LCORL: variants seen among roughly 807,000 people sequenced by gnomAD.
The protein encoded by LCORL is ligand dependent nuclear receptor corepressor like.
LCORL carries 41 observed loss-of-function variants against 141.8 expected under a neutral mutation model. That is an observed-to-expected ratio of 0.29 (90% CI 0.23 to 0.38). The LOEUF is 0.38. LCORL is among the 10% of genes least tolerant of loss of function. LCORL has a pLI of 1.00. For missense variants in LCORL, 1,759 were observed against 2,035.0 expected, an observed-to-expected ratio of 0.86 and a Z score of 2.61; for synonymous variants, 618 against 694.1, an observed-to-expected ratio of 0.89 and a Z score of 1.72.
intron 2 of LCORL, among the ~76,000 whole-genome samples, chr4:17,969,093 A>C (rs1715463456): frequency 1.3e-5 from 2 of 152,246 alleles, no homozygotes; most frequent in African/African-American, 4.8e-5. Context: ...TACCAATAAG[A>C]CATAAAAGAT....
intron 4 of LCORL, among the ~76,000 whole-genome samples, chr4:17,941,397 T>C (rs1034231962): frequency 1.4e-4 from 22 of 152,072 alleles, no homozygotes; most frequent in African/African-American, 5.1e-4. Context: ...AGGCGAAGCT[T>C]ACGGTGAGCC....
At chr4:17,892,356 T>C (rs906707914) in intron 5 of LCORL, among the ~76,000 whole-genome samples, 1 of 151,548 alleles carries the variant, frequency 6.6e-6, no homozygotes. Context: ...TTACAGGCAC[T>C]GGCCACCAAG....
rs1008858555 is a variant in LCORL, at chr4:17,872,344, C to T, written c.5602+1044G>A. Among the ~76,000 whole-genome samples the T allele has an allele frequency of 3.9e-5, 6 of 152,114 alleles. No individual in the cohort carries two copies. In the East Asian group the frequency reaches 7.7e-4, roughly 20 times the overall value. ...GGGTGTCTAATATTTTGGCTTCCCT[C>T]GGCCACACTGGAAGAATTGTCTTGG... is the stretch of plus-strand genomic sequence containing the variant. On this transcript the variant is annotated intron_variant, in intron 7 of 7. Transcript: ENST00000635767.
rs371573867 is a variant in LCORL, at chr4:17,962,905, TA to T, written c.300+64del. On this transcript the variant is annotated intron_variant, in intron 3 of 7. Transcript: ENST00000635767. ...CACAAATTTTCAAAACAAATTAAGATAAAAAAAAAACTGTGTTACAATTGTG... is the reference window on the plus strand; with the variant it reads ...CACAAATTTTCAAAACAAATTAAGATAAAAAAAAACTGTGTTACAATTGTG... The T allele has an allele frequency of 2.2e-3, 1,729 of 769,912 alleles. 2 individuals are homozygous for T. The highest frequency in any genetic ancestry group is 5.9e-3 in the African/African-American group (324 of 54,580). 47.7% of individuals were successfully genotyped at this position (769,912 alleles called of 1,614,324 possible). A position where few individuals can be genotyped will look rare whatever the true frequency, so the allele number is the denominator to read the frequency against.
At chr4:17,946,051 C>T (rs950217301) in intron 4 of LCORL, among the ~76,000 whole-genome samples, 1 of 151,924 alleles carries the variant, frequency 6.6e-6, no homozygotes, top group Non-Finnish European at 1.5e-5. Context: ...ACTCTTGTTT[C>T]CACGGCATCC....
chr4:17,870,167 T>A (rs886103099), intron 7 of LCORL, among the ~76,000 whole-genome samples: 8 of 152,054 alleles, frequency 5.3e-5, no homozygotes, highest in Non-Finnish European at 8.8e-5. Flanking sequence ...TTAAAAAAAA[T>A]TTTTGAGATA....
chr4:17,926,538 T>C (rs1463688102), intron 4 of LCORL, among the ~76,000 whole-genome samples: 1 of 152,206 alleles, frequency 6.6e-6, no homozygotes. Context: ...AACGCAGCAC[T>C]GGTGGCTTCC....
chr4:17,848,984 G>A (rs1366443925), intron 7 of LCORL, among the ~76,000 whole-genome samples: 3 of 144,954 alleles, frequency 2.1e-5, no homozygotes, highest in Admixed American at 6.9e-5. Flanking sequence ...GGGGAGGGGC[G>A]CCCACCATTG....
chr4:18,015,328 T>C (rs1489291146), intron 1 of LCORL, among the ~76,000 whole-genome samples: 1 of 152,196 alleles, frequency 6.6e-6, no homozygotes. Context: ...GACCAGTCTG[T>C]AGCCCATATC....
intron 4 of LCORL, among the ~76,000 whole-genome samples, chr4:17,959,222 T>C (rs927740829): frequency 6.6e-6 from 1 of 151,966 alleles, no homozygotes; most frequent in African/African-American, 2.4e-5. Context: ...ATAAGAAATA[T>C]AGAGTATTCC....
Position 17,888,134 on chromosome 4 carries a change from A to G in LCORL, c.683-1973T>C, listed in dbSNP as rs532503922. Among the ~76,000 whole-genome samples the G allele has an allele frequency of 7.2e-5, 11 of 152,218 alleles. No homozygotes were observed. In the East Asian group the frequency reaches 1.7e-3, roughly 24 times the overall value. ...GAGACCATGCATATTTTATTCATCA[A>G]TATATTCCTGCTGCTTAGAATAGTG... On this transcript the variant is annotated intron_variant, in intron 5 of 7. Transcript: ENST00000635767.
At chr4:18,001,242 T>G (rs573993869) in intron 1 of LCORL, among the ~76,000 whole-genome samples, 1 of 152,304 alleles carries the variant, frequency 6.6e-6, no homozygotes, top group Non-Finnish European at 1.5e-5. Context: ...AAGATTATTG[T>G]GAGGATTAAA....
At chr4:17,979,188 T>A (rs1717548820) in intron 1 of LCORL, among the ~76,000 whole-genome samples, 1 of 152,204 alleles carries the variant, frequency 6.6e-6, no homozygotes, top group African/African-American at 2.4e-5. Context: ...CCCACTGGGC[T>A]CTTTTTAGGC....
At chr4:17,916,963 A>G (rs112442330) in intron 4 of LCORL, among the ~76,000 whole-genome samples, 11,270 of 150,740 alleles carry the variant, frequency 0.075, 948 homozygotes, top group African/African-American at 0.21. Context: ...AGATTACTCA[A>G]CCTCAGGTAT....
At chr4:17,996,014 G>A (rs745856789) in intron 1 of LCORL, among the ~76,000 whole-genome samples, 9 of 152,028 alleles carry the variant, frequency 5.9e-5, no homozygotes, top group Non-Finnish European at 1.0e-4. Context: ...AAACAGATAT[G>A]TTCCAGATAC....
rs574499585 is a variant in LCORL, at chr4:17,983,812, G to C, written c.155-10927C>G. On this transcript the variant is annotated intron_variant, in intron 1 of 7. Coordinates refer to ENST00000635767, the Ensembl canonical transcript of LCORL. ...AGCATTTCCAATATTATGTTGAATA[G>C]AAGTAGTGAGAGAGGATATCCTTGT... Among the ~76,000 whole-genome samples, 3 of 152,154 alleles carry C rather than the reference G, an allele frequency of 2.0e-5. No individual in the cohort carries two copies. The South Asian group carries it at 6.2e-4, about 32-fold the overall frequency.
Position 17,972,823 on chromosome 4 carries a change from C to A in LCORL, c.217G>T (p.Glu73Ter). ...TAAATAAAATTTTAAAAATTACCTT[C>A]AAATAAACTGAGGTCTCTTCGTAGC... Residue 73 changes from glutamate (E) to a stop codon, truncating the protein, a stop_gained, in exon 2 of 8, where the codon GAA becomes TAA. Transcript: ENST00000635767. LOFTEE classifies it high-confidence loss of function. 1 of 1,421,892 alleles carries A rather than the reference C, an allele frequency of 7.0e-7. No individual in the cohort carries two copies. The highest frequency in any genetic ancestry group is 1.7e-5 in the South Asian group (1 of 60,364). The allele number at this position is 1,421,892 out of a possible 1,614,324, so 88.1% of individuals were successfully genotyped here. A position where few individuals can be genotyped will look rare whatever the true frequency, so the allele number is the denominator to read the frequency against.
chr4:17,897,073 C>T (rs1193882514), intron 5 of LCORL, among the ~76,000 whole-genome samples: 3 of 152,048 alleles, frequency 2.0e-5, no homozygotes, highest in African/African-American at 7.2e-5. Context: ...GGCTGAATAG[C>T]ACTCCATTGT....
intron 1 of LCORL, among the ~76,000 whole-genome samples, chr4:18,000,799 G>A (rs1322032745): frequency 1.3e-5 from 2 of 152,212 alleles, no homozygotes; most frequent in Non-Finnish European, 2.9e-5. Context: ...GATATGAAGA[G>A]ACTTCTGGGG....
Sources: gnomAD v4.1 joint callset for allele counts (sites outside exome capture counted in the v4.1 genomes callset) on GRCh38, gnomAD v4.1.1 for gene constraint, MANE v1.5 for transcripts, NCBI Gene and HGNC (gene_info 2026-07-23, HGNC 2026-07-21) for gene names.